Variants in BAZ2B observed in about 807,000 individuals in gnomAD.
BAZ2B encodes bromodomain adjacent to zinc finger domain protein 2B.
BAZ2B carries 91 observed loss-of-function variants against 246.0 expected under a neutral mutation model. That is an observed-to-expected ratio of 0.37 (90% CI 0.31 to 0.44). BAZ2B has a LOEUF of 0.44. Among genes scored for constraint, BAZ2B ranks in the 20% least tolerant of loss-of-function variants. The pLI is 1.00. For missense variants in BAZ2B, 2,332 were observed against 2,533.7 expected (o/e 0.92, Z 1.71); for synonymous variants, 855 against 860.0 (o/e 0.99, Z 0.10).
At chr2:159,353,865 C>T (rs1054022953) in intron 27 of BAZ2B, among the ~76,000 whole-genome samples, 10 of 152,128 alleles carry the variant, frequency 6.6e-5, no homozygotes, top group African/African-American at 1.9e-4. Context: ...TTGAAAGGAT[C>T]GAACTTTTCC....
intron 1 of BAZ2B, among the ~76,000 whole-genome samples, chr2:159,586,349 G>T (rs1688007640): frequency 6.6e-6 from 1 of 152,120 alleles, no homozygotes; most frequent in African/African-American, 2.4e-5. Flanking sequence ...TAGGGAAAGT[G>T]CTAGGCTATA....
intron 2 of BAZ2B, among the ~76,000 whole-genome samples, chr2:159,546,689 A>T (rs1465776618): frequency 6.6e-6 from 1 of 151,810 alleles, no homozygotes; most frequent in East Asian, 1.9e-4. Context: ...AACTGGTTGT[A>T]AGGTAGGCAT....
chr2:159,318,685 C>T (rs557503572), downstream of BAZ2B, among the ~76,000 whole-genome samples: 1 of 152,072 alleles, frequency 6.6e-6, no homozygotes, highest in South Asian at 2.1e-4. Context: ...ATTTGGCTAC[C>T]CATAGAGGCA....
intron 2 of BAZ2B, among the ~76,000 whole-genome samples, chr2:159,524,729 AT>A (rs569043503): frequency 3.3e-5 from 5 of 152,180 alleles, no homozygotes; most frequent in Admixed American, 1.3e-4. Context: ...AAATTACATA[AT>A]TTTTTTGTAA....
intron 31 of BAZ2B, among the ~76,000 whole-genome samples, chr2:159,343,215 T>A (rs956181099): frequency 6.6e-5 from 10 of 152,226 alleles, no homozygotes; most frequent in African/African-American, 2.4e-4. Context: ...GATATCCATA[T>A]GCAGAGGAAT....
At chr2:159,524,024 T>C (rs769947699) in intron 2 of BAZ2B, among the ~76,000 whole-genome samples, 4 of 152,136 alleles carry the variant, frequency 2.6e-5, no homozygotes, top group African/African-American at 4.8e-5. Context: ...CTATAAACTA[T>C]TGGAAAAAAA....
intron 1 of BAZ2B, among the ~76,000 whole-genome samples, chr2:159,596,496 TTTTA>T (rs1690749762): frequency 6.6e-6 from 1 of 152,102 alleles, no homozygotes; most frequent in Non-Finnish European, 1.5e-5. Context: ...CTACCAAACA[TTTTA>T]TTTTTGTTTT....
At chr2:159,603,943 C>A (rs1364529271) in intron 1 of BAZ2B, among the ~76,000 whole-genome samples, 2 of 152,094 alleles carry the variant, frequency 1.3e-5, no homozygotes, top group Non-Finnish European at 2.9e-5. Flanking sequence ...TATTTCATTT[C>A]AACATAAAAC....
the BAZ2B span, among the ~76,000 whole-genome samples, chr2:159,673,673 TAA>T: frequency 6.9e-6 from 1 of 145,486 alleles, no homozygotes; most frequent in African/African-American, 2.5e-5. Flanking sequence ...TATGTAGCTG[TAA>T]AAAAAAAAAT....
the BAZ2B span, among the ~76,000 whole-genome samples, chr2:159,686,966 C>T: frequency 3.6e-5 from 5 of 139,790 alleles, no homozygotes; most frequent in South Asian, 1.2e-3. Context: ...GGCGTCAACC[C>T]GGGTGGCGGA....
chr2:159,491,350 G>A (rs2080430792), intron 2 of BAZ2B, among the ~76,000 whole-genome samples: 1 of 152,140 alleles, frequency 6.6e-6, no homozygotes, highest in Non-Finnish European at 1.5e-5. Context: ...TTTAACACGT[G>A]CCTATCTGCT....
At chr2:159,473,756 T>C (rs1208172570) in intron 3 of BAZ2B, among the ~76,000 whole-genome samples, 3 of 152,208 alleles carry the variant, frequency 2.0e-5, no homozygotes, top group African/African-American at 7.2e-5. Flanking sequence ...TTCTGGTACA[T>C]TGTGTCTTTG....
rs569789963 is a variant in BAZ2B at position 159,319,007 on chromosome 2, C to T, written c.*1258G>A. The T allele has an allele frequency of 1.4e-4, 21 of 152,570 alleles. No homozygotes were observed. The highest frequency in any genetic ancestry group is 9.8e-4 in the Admixed American group (15 of 15,278). The allele number at this position is 152,570 out of a possible 1,614,324, so 9.5% of individuals were successfully genotyped here. On this transcript the variant is annotated 3_prime_UTR_variant, in exon 37 of 37. Transcript: ENST00000392783. This position sits in a 1 kb window ranked among gnomAD's most constrained non-coding sequence, Gnocchi z 4.0. ...GTTTGTAAAAGTCTTTTATTGTATCCGTGCCACACATAGTGAAAAATAACA... is the reference window on the plus strand; with the variant it reads ...GTTTGTAAAAGTCTTTTATTGTATCTGTGCCACACATAGTGAAAAATAACA...
At chr2:159,599,948 A>AAG (rs1559875166) in intron 1 of BAZ2B, among the ~76,000 whole-genome samples, 1 of 151,598 alleles carries the variant, frequency 6.6e-6, no homozygotes. Flanking sequence ...AAAAAAAAAA[A>AAG]AAAAAGAAAA....
At chr2:159,692,811 CAG>C in the BAZ2B span, among the ~76,000 whole-genome samples, 7 of 152,172 alleles carry the variant, frequency 4.6e-5, no homozygotes, top group Non-Finnish European at 8.8e-5. Flanking sequence ...ATTTTAGAGA[CAG>C]AGTTTCATTC....
chr2:159,331,881 T>C (rs2064852310), intron 34 of BAZ2B, among the ~76,000 whole-genome samples: 3 of 151,964 alleles, frequency 2.0e-5, no homozygotes, highest in African/African-American at 7.3e-5. Flanking sequence ...AGAGAGGACA[T>C]GAAGTGGGAG....
intron 4 of BAZ2B, among the ~76,000 whole-genome samples, chr2:159,450,578 A>C (rs1479118109): frequency 6.6e-6 from 1 of 152,206 alleles, no homozygotes; most frequent in African/African-American, 2.4e-5. Context: ...ATTTTTGTTA[A>C]GTGACAAGCT....
At chr2:159,540,193 T>C (rs995837962) in intron 2 of BAZ2B, among the ~76,000 whole-genome samples, 5 of 152,166 alleles carry the variant, frequency 3.3e-5, no homozygotes, top group African/African-American at 1.2e-4. Context: ...AAATTATTTG[T>C]AGAATGAATA....
chr2:159,691,949 T>C, the BAZ2B span, among the ~76,000 whole-genome samples: 1 of 152,316 alleles, frequency 6.6e-6, no homozygotes, highest in East Asian at 1.9e-4. Flanking sequence ...ATTAACTTTA[T>C]GCAGTTATTA....
Sources: allele counts gnomAD v4.1 joint callset (sites outside exome capture counted in the v4.1 genomes callset), GRCh38; gene constraint gnomAD v4.1.1; non-coding constraint Gnocchi (gnomAD v3.1); transcripts MANE v1.5; gene names NCBI Gene and HGNC (gene_info 2026-07-23, HGNC 2026-07-21).